ACTN2: variants seen among roughly 807,000 people sequenced by gnomAD.
ACTN2 encodes the protein alpha-actinin-2.
ACTN2 carries 39 observed loss-of-function variants against 113.8 expected under a neutral mutation model. That is an observed-to-expected ratio of 0.34 (90% confidence interval 0.27 to 0.45). The LOEUF (loss-of-function observed/expected upper bound fraction) is 0.45, where lower values mean the gene tolerates loss of function less well. ACTN2 is among the 20% of genes least tolerant of loss of function. The probability of loss-of-function intolerance (pLI) is 1.00; values close to 1 mark genes in which losing one functional copy is unlikely to be tolerated. For missense variants in ACTN2, 992 were observed against 1,177.9 expected, an observed-to-expected ratio of 0.84 and a Z score of 2.31; for synonymous variants, 429 against 444.1, an observed-to-expected ratio of 0.97 and a Z score of 0.43.
intron 19 of ACTN2, 104 bp downstream of exon 19, chr1:236,759,893 G>A (rs1659655817): frequency 9.3e-7 from 1 of 1,072,094 alleles, no homozygotes; most frequent in Non-Finnish European, 1.4e-6. Context: ...ATTTGGGATT[G>A]GTTCGTTTTC....
chr1:236,690,609 A>G (rs1196237092), intron 1 of ACTN2, among the ~76,000 whole-genome samples: 1 of 152,158 alleles, frequency 6.6e-6, no homozygotes, highest in South Asian at 2.1e-4. Flanking sequence ...GGCTTTATAC[A>G]TTGTAAAGTG....
At chr1:236,738,225 C>T (rs4659710) in intron 9 of ACTN2, among the ~76,000 whole-genome samples, 70,111 of 152,152 alleles carry the variant, frequency 0.46, 19,152 homozygotes, top group Non-Finnish European at 0.61. Context: ...GCCTGGCTGG[C>T]CTTGAACTCC....
intron 12 of ACTN2, among the ~76,000 whole-genome samples, chr1:236,746,236 A>G (rs1008509496): frequency 1.3e-5 from 2 of 151,268 alleles, no homozygotes; most frequent in Admixed American, 1.3e-4. Flanking sequence ...TGGATTTGGT[A>G]GGGTAGGAGG....
chr1:236,700,325 G>A (rs1657635757), intron 1 of ACTN2, among the ~76,000 whole-genome samples: 1 of 152,102 alleles, frequency 6.6e-6, no homozygotes, highest in Non-Finnish European at 1.5e-5. Context: ...TGGGATTACA[G>A]GCATGCACCA....
At chr1:236,728,115 G>C (rs1178487410) in intron 6 of ACTN2, among the ~76,000 whole-genome samples, 2 of 151,272 alleles carry the variant, frequency 1.3e-5, no homozygotes, top group South Asian at 4.2e-4. Flanking sequence ...CTATTTTTGC[G>C]GGGAAGAAAG....
rs372642966 is a variant in ACTN2 at position 236,709,255 on chromosome 1, T to TACACACAC, written c.127-8593_127-8586dup. Among the ~76,000 whole-genome samples the TACACACAC allele has an allele frequency of 6.9e-3, 473 of 68,830 alleles. 15 individuals are homozygous for TACACACAC. The highest frequency in any genetic ancestry group is 0.034 in the East Asian group (90 of 2,660). 45.2% of individuals were successfully genotyped at this position (68,830 alleles called of 152,430 possible). ...ATATATATATATATATATATATATATACACACACACACACACATATATATG... is the reference window on the plus strand; with the variant it reads ...ATATATATATATATATATATATATATACACACACACACACACACACACACATATATATG... On this transcript the variant is annotated intron_variant, in intron 1 of 20. Transcript: ENST00000366578.
rs1057522332 is a variant in ACTN2 at position 236,743,003 on chromosome 1, G to A, written c.1215G>A (p.Lys405=). The change falls in exon 11 of 21, where the codon AAG becomes AAA. Residue 405 remains lysine, a synonymous_variant. Coordinates refer to ENST00000366578, the MANE Select transcript of ACTN2 (RefSeq NM_001103.4). ...RLERLEHLAE[K]FRQKASTHET... is the part of the protein sequence containing the mutation. ...AGCGCTTGGAACACCTGGCTGAGAA[G>A]TTCAGGCAGAAGGCCTCAACGCACG... 6.2e-7 allele frequency: 1 copy of A among 1,614,192 alleles called. No homozygotes were observed. The highest frequency in any genetic ancestry group is 8.5e-7 in the Non-Finnish European group (1 of 1,180,040).
At chr1:236,715,697 T>G (rs1024767757) in intron 1 of ACTN2, among the ~76,000 whole-genome samples, 1 of 152,196 alleles carries the variant, frequency 6.6e-6, no homozygotes, top group Non-Finnish European at 1.5e-5. Flanking sequence ...GGCTCATGCC[T>G]GTAATCCCAG....
At chr1:236,729,659 A>G (rs1198749455) in intron 6 of ACTN2, among the ~76,000 whole-genome samples, 1 of 152,204 alleles carries the variant, frequency 6.6e-6, no homozygotes, top group African/African-American at 2.4e-5. Flanking sequence ...TTAAGAATGA[A>G]ATATTTTAAG....
At chr1:236,713,223 T>C in intron 1 of ACTN2, among the ~76,000 whole-genome samples, 1 of 136,300 alleles carries the variant, frequency 7.3e-6, no homozygotes, top group East Asian at 2.2e-4. Context: ...ATTGTTCTTT[T>C]TTCTTTTTTT....
intron 4 of ACTN2, among the ~76,000 whole-genome samples, chr1:236,722,198 T>C (rs1658415642): frequency 6.6e-6 from 1 of 152,210 alleles, no homozygotes. Flanking sequence ...CTCATTTAAC[T>C]TCTGTAAGTC....
intron 8 of ACTN2, chr1:236,736,719 CTA>C: frequency 8.9e-7 from 1 of 1,125,354 alleles, no homozygotes. Context: ...TTTCCAAAGG[CTA>C]ATGTTATTCA....
At position 236,761,809 on chromosome 1, in the gene ACTN2, C is replaced by G. The variant is rs573543301; in HGVS notation, c.2526+636C>G. On this transcript the variant is annotated intron_variant, in intron 20 of 20. Coordinates refer to ENST00000366578, the MANE Select transcript of ACTN2 (RefSeq NM_001103.4). ...TGGCTGAGAGGATAATGAACATTAC[C>G]ACAAGGAGGTTAGCATGCTAAAACA... Among the ~76,000 whole-genome samples the G allele has an allele frequency of 3.9e-4, 60 of 152,188 alleles. 1 individual carries two copies. Among genetic ancestry groups the G allele is most frequent in the Middle Eastern group, 3.4e-3 (1 of 294 alleles).
chr1:236,745,251 G>A (rs1258158660), intron 12 of ACTN2, among the ~76,000 whole-genome samples: 4 of 152,000 alleles, frequency 2.6e-5, no homozygotes, highest in African/African-American at 4.8e-5. Flanking sequence ...TGGCTAACAC[G>A]GTGAAACCCC....
chr1:236,746,430 G>C (rs924446582), intron 12 of ACTN2, among the ~76,000 whole-genome samples: 2 of 152,092 alleles, frequency 1.3e-5, no homozygotes, highest in African/African-American at 4.8e-5. Context: ...GCTTTAGGTT[G>C]GGTGCAGTGG....
Position 236,757,611 on chromosome 1 carries a change from C to T in ACTN2, c.2280C>T (p.Ala760=). 1 of 1,614,160 alleles carries T rather than the reference C, an allele frequency of 6.2e-7. No homozygotes were observed. Among genetic ancestry groups the T allele is most frequent in the South Asian group, 1.1e-5 (1 of 91,076 alleles). The stretch of plus-strand genomic sequence containing the variant: ...AGGAGCAGATGAATGAGTTCAGAGC[C>T]TCCTTCAACCACTTTGACAGGGTAC... The part of the protein sequence containing the change: ...ITQEQMNEFR[A]SFNHFDRRKN... Residue 760 remains alanine (A), a synonymous_variant, in exon 18 of 21, where the codon GCC becomes GCT. Transcript: ENST00000366578.
At chr1:236,718,017 A>G (rs528956002) in intron 2 of ACTN2, 45 bp downstream of exon 2, 1 of 1,438,086 alleles carries the variant, frequency 7.0e-7, no homozygotes, top group East Asian at 2.3e-5. Flanking sequence ...TGTTATCAGT[A>G]GGTGAGCATC....
chr1:236,709,313 TATGTATATATATAC>T (rs1347066271), intron 1 of ACTN2, among the ~76,000 whole-genome samples: 2 of 141,812 alleles, frequency 1.4e-5, no homozygotes, highest in South Asian at 2.2e-4. Flanking sequence ...TATACGTATA[TATGTATATATATAC>T]ATGTATATAT....
At chr1:236,752,701 G>A (rs1253565846) in intron 15 of ACTN2, among the ~76,000 whole-genome samples, 3 of 151,832 alleles carry the variant, frequency 2.0e-5, no homozygotes, top group African/African-American at 7.3e-5. Flanking sequence ...ACAGGTGCCC[G>A]CCACCACGCC....
Sources: allele counts gnomAD v4.1 joint callset (sites outside exome capture counted in the v4.1 genomes callset), GRCh38; gene constraint gnomAD v4.1.1; transcripts MANE v1.5; gene names NCBI Gene and HGNC (gene_info 2026-07-23, HGNC 2026-07-21).